Variants in PCDH15 observed in about 807,000 individuals in gnomAD.
PCDH15 encodes the protein protocadherin-15.
In PCDH15, 129 loss-of-function variants were observed where a neutral mutation model predicts 178.5. The observed-to-expected ratio is 0.72, with a 90% CI of 0.63 to 0.84. The LOEUF (loss-of-function observed/expected upper bound fraction) is 0.84. Ranked by LOEUF, PCDH15 falls within the 40% of genes least tolerant of loss-of-function variation. The pLI is 0.00. For missense variants in PCDH15, 2,230 were observed against 2,099.9 expected, an observed-to-expected ratio of 1.06 and a Z score of -1.21; for synonymous variants, 800 against 732.0, an observed-to-expected ratio of 1.09 and a Z score of -1.50.
chr10:55,412,435 A>G (rs1397445806), intron 2 of PCDH15, among the ~76,000 whole-genome samples: 1 of 151,992 alleles, frequency 6.6e-6, no homozygotes, highest in African/African-American at 2.4e-5. Context: ...ATGCCTGCAT[A>G]TGTGCAATAG....
intron 2 of PCDH15, among the ~76,000 whole-genome samples, chr10:55,159,307 T>A (rs1838987680): frequency 6.7e-6 from 1 of 149,270 alleles, no homozygotes; most frequent in South Asian, 2.1e-4. Flanking sequence ...TATATATATA[T>A]CTCTTCAAAT....
intron 2 of PCDH15, among the ~76,000 whole-genome samples, chr10:54,633,888 T>C (rs944581488): frequency 3.3e-5 from 5 of 152,110 alleles, no homozygotes; most frequent in Admixed American, 6.6e-5. Flanking sequence ...AGGAGTGTTT[T>C]AGAGAAAATG....
At chr10:54,717,005 G>A (rs377596386) in intron 1 of PCDH15, among the ~76,000 whole-genome samples, 5,833 of 132,760 alleles carry the variant, frequency 0.044, 173 homozygotes, top group Middle Eastern at 0.079. Flanking sequence ...AACAAGCAAT[G>A]GGGAAAGGAT....
chr10:54,809,085 A>G (rs1018950478), intron 3 of PCDH15, among the ~76,000 whole-genome samples: 1 of 152,106 alleles, frequency 6.6e-6, no homozygotes, highest in Non-Finnish European at 1.5e-5. Flanking sequence ...ACACTGAGGG[A>G]TACTCTTTGC....
intron 3 of PCDH15, among the ~76,000 whole-genome samples, chr10:54,868,879 A>G (rs1953986014): frequency 6.6e-6 from 1 of 152,214 alleles, no homozygotes. Flanking sequence ...GATACAAAAG[A>G]AGACAAACAT....
chr10:54,813,332 C>T (rs1357849441), intron 3 of PCDH15, among the ~76,000 whole-genome samples: 1 of 152,160 alleles, frequency 6.6e-6, no homozygotes, highest in Non-Finnish European at 1.5e-5. Flanking sequence ...TCCGTTCTCA[C>T]ATACCATCTG....
At chr10:54,236,963 C>T in intron 8 of PCDH15, 32 bp from the exon 9 acceptor site, 2 of 1,502,162 alleles carry the variant, frequency 1.3e-6, no homozygotes, top group Non-Finnish European at 9.3e-7. Flanking sequence ...TTTCATTCAG[C>T]CGCATTACTA....
chr10:54,177,528 G>A (rs1241539099), intron 13 of PCDH15, among the ~76,000 whole-genome samples: 57 of 152,078 alleles, frequency 3.7e-4, no homozygotes, highest in Admixed American at 3.7e-3. Flanking sequence ...TGGGGACAGT[G>A]AGTATATGGG....
chr10:54,980,646 T>C (rs1399016779), intron 2 of PCDH15, among the ~76,000 whole-genome samples: 1 of 152,124 alleles, frequency 6.6e-6, no homozygotes, highest in African/African-American at 2.4e-5. Flanking sequence ...ATTCACAAAT[T>C]AGTCTCATTA....
At chr10:55,621,501 TG>T (rs1469616874) in intron 2 of PCDH15, among the ~76,000 whole-genome samples, 1 of 152,046 alleles carries the variant, frequency 6.6e-6, no homozygotes, top group Non-Finnish European at 1.5e-5. Flanking sequence ...AAGGTAATGG[TG>T]GGTGGCATTA....
intron 3 of PCDH15, among the ~76,000 whole-genome samples, chr10:54,846,772 C>A (rs1448316384): frequency 1.3e-5 from 2 of 152,204 alleles, no homozygotes; most frequent in South Asian, 2.1e-4. Context: ...CCTGCCAATA[C>A]ACTAATTGTT....
intron 28 of PCDH15, among the ~76,000 whole-genome samples, chr10:53,850,404 T>C (rs1198270532): frequency 6.6e-6 from 1 of 151,972 alleles, no homozygotes; most frequent in African/African-American, 2.4e-5. Context: ...TAATCATAAT[T>C]AACCTAATGA....
intron 25 of PCDH15, among the ~76,000 whole-genome samples, chr10:53,921,458 C>T (rs1302887147): frequency 6.6e-6 from 1 of 152,022 alleles, no homozygotes; most frequent in East Asian, 1.9e-4. Flanking sequence ...CATTTTCCCT[C>T]CTTGGTTTAC....
At chr10:53,917,635 C>CT (rs374530094) in intron 25 of PCDH15, among the ~76,000 whole-genome samples, 2 of 151,924 alleles carry the variant, frequency 1.3e-5, no homozygotes, top group African/African-American at 2.4e-5. Context: ...ACACTATGTT[C>CT]TTTTTTTTCT....
At chr10:54,893,709 A>G (rs2131818534) in intron 3 of PCDH15, among the ~76,000 whole-genome samples, 1 of 152,264 alleles carries the variant, frequency 6.6e-6, no homozygotes, top group East Asian at 1.9e-4. Context: ...CAAAATAAAG[A>G]GTAATAATTT....
At position 55,090,330 on chromosome 10, in the gene PCDH15, A is replaced by G. The variant is rs181868138; in HGVS notation, c.-80+76246T>C. Among the ~76,000 whole-genome samples the G allele has an allele frequency of 1.1e-3, 160 of 152,044 alleles. 1 individual carries two copies. Among genetic ancestry groups the G allele is most frequent in the Non-Finnish European group, 2.1e-3 (142 of 67,970 alleles). ...TTCAGCACAGAGTAGAGCCTTAGGG[A>G]AAAATCCTGCAATAATAGTTATATA... On this transcript the variant is annotated intron_variant, in intron 2 of 5. Coordinates refer to the PCDH15 transcript ENST00000458638.
In PCDH15 at chr10:54,220,852, ATAAATAAATAAATAAATAAG is replaced by A. The variant is rs1219591812; in HGVS notation, c.986-6824_986-6805del. Among the ~76,000 whole-genome samples, 590 of 149,872 alleles carry A rather than the reference ATAAATAAATAAATAAATAAG, an allele frequency of 3.9e-3. 3 individuals are homozygous for A. Among genetic ancestry groups the A allele is most frequent in the African/African-American group, 0.012 (471 of 40,284 alleles). ...AATAAATAAATAAATAAATAAATAA[ATAAATAAATAAATAAATAAG>A]TAAAATAAATACATCTCCTTGGACA... On this transcript the variant is annotated intron_variant, in intron 9 of 37. Coordinates refer to ENST00000644397, the MANE Select transcript of PCDH15 (RefSeq NM_001384140.1).
At chr10:55,238,107 CTTTAGT>C (rs1841436333) in intron 1 of PCDH15, among the ~76,000 whole-genome samples, 1 of 146,688 alleles carries the variant, frequency 6.8e-6, no homozygotes, top group Non-Finnish European at 1.5e-5. Flanking sequence ...TAAAAATAAG[CTTTAGT>C]TTATCTATAA....
chr10:54,552,006 C>T (rs2086670364), intron 2 of PCDH15, among the ~76,000 whole-genome samples: 1 of 152,054 alleles, frequency 6.6e-6, no homozygotes, highest in Non-Finnish European at 1.5e-5. Flanking sequence ...TATTTGAATT[C>T]TACCTTTCAA....
Sources: gnomAD v4.1 joint callset for allele counts (sites outside exome capture counted in the v4.1 genomes callset) on GRCh38, gnomAD v4.1.1 for gene constraint, MANE v1.5 for transcripts, NCBI Gene and HGNC (gene_info 2026-07-23, HGNC 2026-07-21) for gene names.